Variants in OAS1 observed in about 807,000 individuals in gnomAD.
The protein encoded by OAS1 is 2'-5'-oligoadenylate synthetase 1.
A neutral mutation model predicts 38.5 loss-of-function variants in OAS1; 24 were observed. The ratio of observed to expected loss-of-function variants is 0.62; its 90% CI spans 0.45 to 0.88. The LOEUF (loss-of-function observed/expected upper bound fraction) is 0.88. Among genes scored for constraint, OAS1 ranks in the 40% least tolerant of loss-of-function variants. The probability of loss-of-function intolerance (pLI) is 0.00; values close to 1 mark genes in which losing one functional copy is unlikely to be tolerated. For synonymous variants in OAS1, 169 were observed against 193.9 expected (o/e 0.87, Z 1.07); for missense variants, 482 against 493.9 (o/e 0.98, Z 0.23).
At chr12:112,911,298 G>T in intron 3 of OAS1, 63 bp downstream of exon 3, 1 of 1,361,386 alleles carries the variant, frequency 7.3e-7, no homozygotes, top group Non-Finnish European at 1.0e-6. Flanking sequence ...AGGGGTGGGG[G>T]GAGGAGAGAA....
chr12:112,910,538 T>C (rs986325007), intron 2 of OAS1, among the ~76,000 whole-genome samples: 6 of 151,364 alleles, frequency 4.0e-5, no homozygotes, highest in Non-Finnish European at 8.8e-5. Context: ...CTTGGGGAGA[T>C]CTGGAGGTTC....
intron 2 of OAS1, among the ~76,000 whole-genome samples, chr12:112,910,491 G>A (rs557734908): frequency 2.4e-4 from 36 of 152,292 alleles, no homozygotes; most frequent in Admixed American, 7.2e-4. Flanking sequence ...GGTCGTGAGG[G>A]AGGGTCCCTG....
intron 4 of OAS1, chr12:112,916,991 C>A: frequency 4.3e-6 from 2 of 464,626 alleles, no homozygotes; most frequent in Non-Finnish European, 7.8e-6. Context: ...CTTGTCCAAC[C>A]CTTAACAGAA....
At chr12:112,916,129 C>T (rs1593160002) in intron 3 of OAS1, among the ~76,000 whole-genome samples, 1 of 152,198 alleles carries the variant, frequency 6.6e-6, no homozygotes, top group African/African-American at 2.4e-5. Flanking sequence ...TACAACCACT[C>T]ACTTAGCAGA....
At chr12:112,917,442 G>T (rs764737389) in intron 4 of OAS1, 105 bp from the exon 5 acceptor site, 107 of 1,477,456 alleles carry the variant, frequency 7.2e-5, no homozygotes, top group Middle Eastern at 2.5e-4. Context: ...CATGTTCTGA[G>T]TCCCAGTTCA....
intron 6 of OAS1, among the ~76,000 whole-genome samples, chr12:112,927,983 G>A (rs10850101): frequency 0.24 from 36,400 of 152,118 alleles, 5,394 homozygotes; most frequent in East Asian, 0.6. Flanking sequence ...TCAGAACTGT[G>A]GATGCCTGTC....
At position 112,931,461 on chromosome 12, in the gene OAS1, T is replaced by C. The variant is rs549830448; in HGVS notation, c.1168-417T>C. Among the ~76,000 whole-genome samples, 4 of 152,330 alleles carry C rather than the reference T, an allele frequency of 2.6e-5. No homozygotes were observed. The East Asian group carries it at 5.8e-4, about 22-fold the overall frequency. ...GAAGCTGACAATAGCATCTATCTCA[T>C]AGGATTTGTACGAAGATTAAATGAG... On this transcript the variant is annotated intron_variant, in intron 6 of 6. Coordinates refer to the OAS1 transcript ENST00000540589.
chr12:112,930,958 G>T (rs916405543), intron 6 of OAS1, among the ~76,000 whole-genome samples: 1 of 152,116 alleles, frequency 6.6e-6, no homozygotes, highest in Non-Finnish European at 1.5e-5. Flanking sequence ...GGATATACTG[G>T]TTTTCAGGAA....
chr12:112,929,783 G>C (rs762218462), intron 6 of OAS1, among the ~76,000 whole-genome samples: 2 of 152,150 alleles, frequency 1.3e-5, no homozygotes, highest in African/African-American at 4.8e-5. Context: ...GAAGGCAAGG[G>C]GGAGATAAGC....
intron 2 of OAS1, chr12:112,909,157 C>G (rs1436998835): frequency 1.2e-5 from 5 of 401,074 alleles, no homozygotes; most frequent in Non-Finnish European, 2.2e-5. Flanking sequence ...ATCTTTGTCC[C>G]AACATGAGAT....
Position 112,928,054 on chromosome 12 carries a change from A to C in OAS1, c.1168-3824A>C, listed in dbSNP as rs2043571369. On this transcript the variant is annotated intron_variant, in intron 6 of 6. Transcript: ENST00000540589. The stretch of plus-strand genomic sequence containing the variant: ...AACCCACTGAACTCAGGATCACTGC[A>C]TAAAGTGACGTATTAAGCCTAGTGC... Among the ~76,000 whole-genome samples, 2 of 152,204 alleles carry C rather than the reference A, an allele frequency of 1.3e-5. 1 individual carries two copies. The highest frequency in any genetic ancestry group is 4.1e-4 in the South Asian group (2 of 4,824).
At chr12:112,916,154 C>G (rs2043451211) in intron 3 of OAS1, among the ~76,000 whole-genome samples, 1 of 152,154 alleles carries the variant, frequency 6.6e-6, no homozygotes, top group East Asian at 1.9e-4. Flanking sequence ...AATCATGAGG[C>G]TCTGAGAGTC....
At chr12:112,914,192 T>G (rs2043423765) in intron 3 of OAS1, among the ~76,000 whole-genome samples, 1 of 152,212 alleles carries the variant, frequency 6.6e-6, no homozygotes, top group Non-Finnish European at 1.5e-5. Context: ...CAATGTTTGG[T>G]TTTCCATTCC....
At chr12:112,908,878 C>T in intron 2 of OAS1, 54 bp downstream of exon 2, 1 of 1,520,246 alleles carries the variant, frequency 6.6e-7, no homozygotes, top group Non-Finnish European at 8.8e-7. Context: ...GCAGAAATCT[C>T]CCACAGTTTG....
At chr12:112,917,804 A>G in intron 5 of OAS1, 104 bp downstream of exon 5, 1 of 1,612,626 alleles carries the variant, frequency 6.2e-7, no homozygotes, top group South Asian at 1.1e-5. Flanking sequence ...ACCTCTTGCC[A>G]AAGGCCATTT....
At chr12:112,910,529 T>C (rs1332246173) in intron 2 of OAS1, among the ~76,000 whole-genome samples, 1 of 151,862 alleles carries the variant, frequency 6.6e-6, no homozygotes, top group Admixed American at 6.6e-5. Context: ...GGAGTGAGCC[T>C]TGGGGAGATC....
Position 112,917,680 on chromosome 12 carries a change from G to T in OAS1, c.1018G>T (p.Val340Leu). The T allele has an allele frequency of 6.2e-7, 1 of 1,614,204 alleles. No homozygotes were observed. Reference protein sequence around the residue: ...PCFKNWDGSPVSSWILLAESN... With the variant: ...PCFKNWDGSPLSSWILLAESN... ...CTTTAAGAATTGGGATGGGTCCCCA[G>T]TGAGCTCCTGGATTCTGCTGGTGAG... The change falls in exon 5 of 6, where the codon GTG (valine) becomes TTG (leucine). Residue 340 changes from valine (V) to leucine (L), a missense_variant. Val to Leu is a conservative substitution (Grantham distance 32). Coordinates refer to ENST00000202917, the MANE Select transcript of OAS1 (RefSeq NM_016816.4).
chr12:112,918,454 G>A (rs759186887), intron 5 of OAS1: 4 of 335,084 alleles, frequency 1.2e-5, no homozygotes, highest in African/African-American at 2.1e-5. Context: ...ATAAACATAC[G>A]AGTGCCGGTG....
rs746576916 is a variant in OAS1 at position 112,919,517 on chromosome 12, A to G, written c.1167A>G (p.Pro389=). ...RPSTLQAAST[P]QAEEDWTCTI... Reference sequence around the variant, plus strand: ...GCACACTCCAGGCAGCATCCACCCCACAGGCAGAAGAGGACTGGACCTGCA... The same window carrying G: ...GCACACTCCAGGCAGCATCCACCCCGCAGGCAGAAGAGGACTGGACCTGCA... The change falls in exon 6 of 6, where the codon CCA becomes CCG. Residue 389 remains proline (P), a synonymous_variant. Transcript: ENST00000202917. The G allele has an allele frequency of 1.2e-6, 2 of 1,614,190 alleles. No individual in the cohort carries two copies. The highest frequency in any genetic ancestry group is 1.7e-6 in the Non-Finnish European group (2 of 1,180,040).
Sources: gnomAD v4.1 joint callset for allele counts (sites outside exome capture counted in the v4.1 genomes callset) on GRCh38, gnomAD v4.1.1 for gene constraint, MANE v1.5 for transcripts, NCBI Gene and HGNC (gene_info 2026-07-23, HGNC 2026-07-21) for gene names.